Variants in MAP7 observed in about 807,000 individuals in gnomAD.
MAP7 encodes ensconsin.
A neutral mutation model predicts 94.8 loss-of-function variants in MAP7; 52 were observed. The observed-to-expected ratio is 0.55, with a 90% CI of 0.44 to 0.69. The LOEUF is 0.69. MAP7 is among the 30% of genes least tolerant of loss of function. The probability of loss-of-function intolerance (pLI) is 0.00; values close to 1 mark genes in which losing one functional copy is unlikely to be tolerated. For synonymous variants in MAP7, 350 were observed against 357.0 expected, an observed-to-expected ratio of 0.98 and a Z score of 0.22; for missense variants, 940 against 964.6, an observed-to-expected ratio of 0.97 and a Z score of 0.34.
At chr6:136,528,490 T>C (rs1414825532) in intron 1 of MAP7, among the ~76,000 whole-genome samples, 1 of 152,140 alleles carries the variant, frequency 6.6e-6, no homozygotes, top group Non-Finnish European at 1.5e-5. Flanking sequence ...TTTCCTCTAC[T>C]TCAAGAGAGT....
At chr6:136,400,284 T>C (rs1783698536) in intron 3 of MAP7, among the ~76,000 whole-genome samples, 1 of 151,682 alleles carries the variant, frequency 6.6e-6, no homozygotes, top group African/African-American at 2.4e-5. Flanking sequence ...GGCGTGGTGG[T>C]GGGCGCCTGT....
chr6:136,429,980 G>A (rs997139), intron 1 of MAP7, among the ~76,000 whole-genome samples: 113,427 of 152,068 alleles, frequency 0.75, 43,282 homozygotes, highest in Middle Eastern at 0.85. Flanking sequence ...TAATGTTTAC[G>A]ACTAAGCAAA....
intron 3 of MAP7, among the ~76,000 whole-genome samples, chr6:136,400,101 GT>G (rs369167329): frequency 0.021 from 3,095 of 150,804 alleles, 110 homozygotes; most frequent in African/African-American, 0.07. Context: ...CTACAAAAAA[GT>G]TTTTTTTTCT....
rs757722809 is a variant in MAP7, at chr6:136,421,794, C to T, written c.73G>A (p.Asp25Asn). ...TTCTTATCTTGCACTTTGTAGCTGT[C>T]GGGTGCTACAGAAATGAGACAAAAG... Reference protein sequence around the residue: ...DGAVRSETAPDSYKVQDKKNA... With the variant: ...DGAVRSETAPNSYKVQDKKNA... Residue 25 changes from aspartate to asparagine, a missense_variant, in exon 2 of 18, where the codon GAC becomes AAC. By Grantham distance (23) the Asp-to-Asn change is conservative. Coordinates refer to ENST00000354570, the MANE Select transcript of MAP7 (RefSeq NM_003980.6). 4.1e-5 allele frequency: 66 copies of T among 1,606,980 alleles called. No homozygotes were observed. The Middle Eastern group carries it at 6.6e-4, about 16-fold the overall frequency.
At chr6:136,497,797 C>CAAAAA (rs1199112585) in intron 1 of MAP7, among the ~76,000 whole-genome samples, 140 of 45,894 alleles carry the variant, frequency 3.1e-3, no homozygotes, top group African/African-American at 3.7e-3. Context: ...GACTCTGTCA[C>CAAAAA]AAAAAAAAAA....
chr6:136,365,698 G>A (rs200285950), intron 10 of MAP7, 37 bp downstream of exon 10: 1 of 1,592,654 alleles, frequency 6.3e-7, no homozygotes. Context: ...GGGAGAAAAA[G>A]AGAGAGCACC....
chr6:136,534,370 C>A (rs1026140376), intron 1 of MAP7, among the ~76,000 whole-genome samples: 1 of 152,194 alleles, frequency 6.6e-6, no homozygotes, highest in African/African-American at 2.4e-5. Context: ...GGATTTGGCC[C>A]ACCCATAGCC....
chr6:136,398,897 C>T (rs986406135), intron 3 of MAP7, among the ~76,000 whole-genome samples: 1 of 152,216 alleles, frequency 6.6e-6, no homozygotes, highest in African/African-American at 2.4e-5. Flanking sequence ...CCCCTGTCAT[C>T]ACATTCAGCA....
chr6:136,437,843 C>A (rs1796781919), intron 1 of MAP7, among the ~76,000 whole-genome samples: 2 of 152,184 alleles, frequency 1.3e-5, no homozygotes, highest in South Asian at 4.1e-4. Flanking sequence ...TATCCTAATA[C>A]TACTCAATGT....
chr6:136,354,477 T>C (rs989389822), intron 16 of MAP7, among the ~76,000 whole-genome samples: 2 of 147,020 alleles, frequency 1.4e-5, no homozygotes. Context: ...ATATAGTAGA[T>C]ATATATACAT....
At chr6:136,530,140 A>C (rs1230870702) in intron 1 of MAP7, among the ~76,000 whole-genome samples, 1 of 152,198 alleles carries the variant, frequency 6.6e-6, no homozygotes, top group East Asian at 1.9e-4. Context: ...AACATACCTA[A>C]AATTTCCCTT....
At chr6:136,530,134 T>C (rs1828358081) in intron 1 of MAP7, among the ~76,000 whole-genome samples, 1 of 152,204 alleles carries the variant, frequency 6.6e-6, no homozygotes, top group Non-Finnish European at 1.5e-5. Flanking sequence ...GTGAGAAACA[T>C]ACCTAAAATT....
intron 1 of MAP7, among the ~76,000 whole-genome samples, chr6:136,541,785 G>C (rs926907550): frequency 2.6e-5 from 4 of 152,206 alleles, no homozygotes; most frequent in African/African-American, 9.7e-5. Flanking sequence ...GGAGCCGGGA[G>C]TGGTGGCTCC....
At chr6:136,394,944 A>ATATATATATATATATATATATC (rs1781942684) in intron 3 of MAP7, among the ~76,000 whole-genome samples, 1 of 100,032 alleles carries the variant, frequency 1.0e-5, no homozygotes, top group Non-Finnish European at 2.0e-5. Context: ...ATATATATAT[A>ATATATATATATATATATATATC]TATATATATA....
At chr6:136,364,091 C>T (rs539184809) in intron 10 of MAP7, 2 of 288,934 alleles carry the variant, frequency 6.9e-6, no homozygotes, top group East Asian at 2.2e-4. Context: ...GCAACTAGCA[C>T]CTTGCCTGGC....
chr6:136,438,264 C>T (rs1312047090), intron 1 of MAP7, among the ~76,000 whole-genome samples: 1 of 152,238 alleles, frequency 6.6e-6, no homozygotes, highest in Non-Finnish European at 1.5e-5. Context: ...TACATAATCA[C>T]ATCTAATTTC....
intron 16 of MAP7, among the ~76,000 whole-genome samples, chr6:136,354,532 T>C (rs1790306845): frequency 6.7e-6 from 1 of 150,134 alleles, no homozygotes; most frequent in Non-Finnish European, 1.5e-5. Context: ...AGATGGCCAA[T>C]GGATTTCATA....
At chr6:136,523,165 A>G (rs760776470) in intron 1 of MAP7, among the ~76,000 whole-genome samples, 9 of 152,262 alleles carry the variant, frequency 5.9e-5, no homozygotes, top group Non-Finnish European at 1.2e-4. Flanking sequence ...TAAGTGGAAA[A>G]GGTAAAATGA....
At position 136,366,342 on chromosome 6, in the gene MAP7, G is replaced by A; in HGVS notation, c.974C>T (p.Ala325Val). 1 of 1,614,012 alleles carries A rather than the reference G, an allele frequency of 6.2e-7. No homozygotes were observed. The highest frequency in any genetic ancestry group is 8.5e-7 in the Non-Finnish European group (1 of 1,179,856). ...TTTCACTTACCAAAGTCGGGAGCGA[G>A]CTGGTTGTCTTGCTTTGGGATTAGA... is the stretch of plus-strand genomic sequence containing the variant. ...SPSNPKARQP[A>V]RSRLWLPSKS... The change falls in exon 9 of 18, where the codon GCT becomes GTT. Residue 325 changes from alanine (A) to valine (V), a missense_variant. Physicochemically the swap from Ala to Val is moderately conservative, Grantham distance 64. Transcript: ENST00000354570.
Sources: allele counts gnomAD v4.1 joint callset (sites outside exome capture counted in the v4.1 genomes callset), GRCh38; gene constraint gnomAD v4.1.1; transcripts MANE v1.5; gene names NCBI Gene and HGNC (gene_info 2026-07-23, HGNC 2026-07-21).